Variants in TEX9 observed in about 807,000 individuals in gnomAD.
TEX9 encodes testis expressed 9.
Under a neutral mutation model 59.6 loss-of-function variants are expected in TEX9, and 74 were observed. The ratio of observed to expected loss-of-function variants is 1.24; its 90% CI spans 1.03 to 1.51. TEX9 has a LOEUF of 1.51. Among genes scored for constraint, TEX9 ranks in the 40% most tolerant of loss-of-function variants. The pLI is 0.00. For missense variants in TEX9, 522 were observed against 447.8 expected (o/e 1.17, Z -1.49); for synonymous variants, 186 against 152.2 (o/e 1.22, Z -1.64).
chr15:56,370,961 A>T (rs1436792041), intron 2 of TEX9, among the ~76,000 whole-genome samples: 1 of 152,018 alleles, frequency 6.6e-6, no homozygotes, highest in Non-Finnish European at 1.5e-5. Context: ...GGTTCAAGCG[A>T]TTCTCATTCC....
upstream of TEX9, among the ~76,000 whole-genome samples, chr15:56,363,267 C>A (rs2046824712): frequency 6.7e-6 from 1 of 149,750 alleles, no homozygotes; most frequent in South Asian, 2.1e-4. Context: ...TATTGTCCAT[C>A]CTTTTTTTTT....
intron 1 of TEX9, among the ~76,000 whole-genome samples, chr15:56,270,136 G>T (rs544239954): frequency 6.7e-4 from 102 of 152,292 alleles, no homozygotes; most frequent in Non-Finnish European, 1.2e-3. Context: ...ATTTGAGGTG[G>T]AGAGTTCTGT....
At chr15:56,426,544 CTTATCT>C (rs1406522524) in intron 10 of TEX9, among the ~76,000 whole-genome samples, 3 of 123,846 alleles carry the variant, frequency 2.4e-5, no homozygotes, top group African/African-American at 8.5e-5. Flanking sequence ...TGACAACACT[CTTATCT>C]TTTAAAGAGG....
intron 9 of TEX9, among the ~76,000 whole-genome samples, chr15:56,404,965 A>T (rs2049003113): frequency 6.6e-6 from 1 of 152,082 alleles, no homozygotes; most frequent in Non-Finnish European, 1.5e-5. Context: ...GGAACATCAC[A>T]CACCAGGGCC....
upstream of TEX9, among the ~76,000 whole-genome samples, chr15:56,363,744 C>A (rs1387913114): frequency 2.0e-5 from 3 of 151,712 alleles, no homozygotes; most frequent in East Asian, 1.9e-4. Context: ...TGGCTCTTTG[C>A]AGCCTTGATC....
intron 1 of TEX9, among the ~76,000 whole-genome samples, chr15:56,269,566 A>T (rs1349519769): frequency 1.3e-5 from 2 of 150,622 alleles, no homozygotes; most frequent in African/African-American, 4.9e-5. Flanking sequence ...TTCTGCCTTC[A>T]TTTTGTTATT....
At chr15:56,286,976 A>G (rs1408141190) in intron 1 of TEX9, among the ~76,000 whole-genome samples, 1 of 152,192 alleles carries the variant, frequency 6.6e-6, no homozygotes, top group African/African-American at 2.4e-5. Context: ...GGAGAAACTC[A>G]GGGATAGGGG....
At chr15:56,308,471 A>G (rs2045532627) in intron 1 of TEX9, among the ~76,000 whole-genome samples, 1 of 152,140 alleles carries the variant, frequency 6.6e-6, no homozygotes, top group African/African-American at 2.4e-5. Flanking sequence ...TTTATCAGAT[A>G]TATGATTTGC....
intron 1 of TEX9, among the ~76,000 whole-genome samples, chr15:56,340,426 G>C (rs574744165): frequency 1.3e-5 from 2 of 151,970 alleles, no homozygotes; most frequent in African/African-American, 4.8e-5. Flanking sequence ...TTTATTCAAC[G>C]TCTCTCAAAA....
intron 1 of TEX9, among the ~76,000 whole-genome samples, chr15:56,358,786 A>T (rs2046736061): frequency 6.6e-6 from 1 of 152,150 alleles, no homozygotes; most frequent in South Asian, 2.1e-4. Context: ...TGATTGAATC[A>T]TGGGAGTGGT....
intron 12 of TEX9, chr15:56,443,998 C>G (rs2050864867): frequency 1.5e-6 from 1 of 667,350 alleles, no homozygotes; most frequent in South Asian, 2.4e-5. Flanking sequence ...TTACTGTGTG[C>G]TAAATATAAT....
chr15:56,349,910 T>A lies in TEX9; in HGVS notation c.-106-23531T>A, dbSNP rs568816116. 2.0e-5 allele frequency among the ~76,000 whole-genome samples: 3 copies of A among 152,240 alleles called. No individual in the cohort carries two copies. The South Asian group carries it at 6.2e-4, about 32-fold the overall frequency. On this transcript the variant is annotated intron_variant, in intron 1 of 5. Transcript: ENST00000560827. Reference sequence around the variant, plus strand: ...AGTTGAACCTCATTTCTCATTTCTCTCTTTTTAACCTAAAGAACATCTGTT... The same window carrying A: ...AGTTGAACCTCATTTCTCATTTCTCACTTTTTAACCTAAAGAACATCTGTT...
At chr15:56,410,264 G>C (rs1425814758) in intron 9 of TEX9, 2 of 151,890 alleles carry the variant, frequency 1.3e-5, no homozygotes, top group African/African-American at 4.8e-5. Context: ...TTTCTTATCT[G>C]AATTTCTGTG....
intron 1 of TEX9, among the ~76,000 whole-genome samples, chr15:56,247,189 T>A (rs1317605485): frequency 6.6e-6 from 1 of 152,232 alleles, no homozygotes; most frequent in African/African-American, 2.4e-5. Flanking sequence ...TTTTATACTG[T>A]CCAGACTGTA....
chr15:56,437,567 G>A (rs1377373216), intron 12 of TEX9, among the ~76,000 whole-genome samples: 5 of 152,168 alleles, frequency 3.3e-5, no homozygotes, highest in Admixed American at 2.6e-4. Context: ...AGACAGGGAT[G>A]CCCTCTCTCA....
chr15:56,437,691 T>C (rs2050750989), intron 12 of TEX9, among the ~76,000 whole-genome samples: 1 of 152,318 alleles, frequency 6.6e-6, no homozygotes, highest in South Asian at 2.1e-4. Context: ...TGTTTGCAGA[T>C]GACATGATTG....
intron 1 of TEX9, among the ~76,000 whole-genome samples, chr15:56,330,510 A>T (rs2046117623): frequency 6.6e-6 from 1 of 152,186 alleles, no homozygotes; most frequent in Non-Finnish European, 1.5e-5. Flanking sequence ...AGTACAAGCA[A>T]TGAAAAGGTA....
chr15:56,429,263 CAG>C (rs1301567930), intron 12 of TEX9: 2 of 977,704 alleles, frequency 2.0e-6, no homozygotes, highest in African/African-American at 3.3e-5. Context: ...TTAAGACTGA[CAG>C]ACATAAGATT....
At chr15:56,283,941 A>G (rs918504279) in intron 1 of TEX9, among the ~76,000 whole-genome samples, 6 of 152,232 alleles carry the variant, frequency 3.9e-5, no homozygotes, top group African/African-American at 1.4e-4. Flanking sequence ...CTAACCTCAT[A>G]GTAATCAGAA....
Sources: gnomAD v4.1 joint callset for allele counts (sites outside exome capture counted in the v4.1 genomes callset) on GRCh38, gnomAD v4.1.1 for gene constraint, MANE v1.5 for transcripts, NCBI Gene and HGNC (gene_info 2026-07-23, HGNC 2026-07-21) for gene names.